Variants in LLGL1 observed in about 807,000 individuals in gnomAD.
LLGL1 encodes the protein lethal(2) giant larvae protein homolog 1.
Under a neutral mutation model 110.6 loss-of-function variants are expected in LLGL1, and 58 were observed. That is an observed-to-expected ratio of 0.52 (90% CI 0.42 to 0.65). The LOEUF (loss-of-function observed/expected upper bound fraction) is 0.65. Ranked by LOEUF, LLGL1 falls within the 30% of genes least tolerant of loss-of-function variation. The pLI, the probability that LLGL1 is intolerant of heterozygous loss-of-function variation, is 0.00. For missense variants in LLGL1, 1,229 were observed against 1,462.1 expected, an observed-to-expected ratio of 0.84 and a Z score of 2.60; for synonymous variants, 674 against 607.2, an observed-to-expected ratio of 1.11 and a Z score of -1.62.
intron 1 of LLGL1, among the ~76,000 whole-genome samples, chr17:18,227,318 GGGGAGGCTGTGAGGGTGAGGT>G (rs1418876654): frequency 6.6e-6 from 1 of 152,164 alleles, no homozygotes; most frequent in Non-Finnish European, 1.5e-5. Context: ...TTTCTGTGCC[GGGGAGGCTGTGAGGGTGAGGT>G]GAGAGGAGAA....
At chr17:18,241,860 A>C in intron 18 of LLGL1, 25 bp from the exon 19 acceptor site, 1 of 1,603,956 alleles carries the variant, frequency 6.2e-7, no homozygotes, top group Non-Finnish European at 8.5e-7. Context: ...TTCTAACTGC[A>C]CTCCTCATTC....
chr17:18,237,465 C>T lies in LLGL1; in HGVS notation c.1612-16C>T. On this transcript the variant is annotated splice_polypyrimidine_tract_variant and intron_variant, in intron 13 of 22. Coordinates refer to ENST00000316843, the MANE Select transcript of LLGL1 (RefSeq NM_004140.4). ...TCCCCTGCGCTGATGCTCCCCCTGC[C>T]TGGCTGTGGGCTCAGGTGCTGGTAC... 1 of 1,560,340 alleles carries T rather than the reference C, an allele frequency of 6.4e-7. No individual in the cohort carries two copies. Among genetic ancestry groups the T allele is most frequent in the Non-Finnish European group, 8.7e-7 (1 of 1,149,362 alleles).
At position 18,235,099 on chromosome 17, in the gene LLGL1, C is replaced by T; in HGVS notation, c.1071C>T (p.Asp357=). The change falls in exon 10 of 23, where the codon GAC becomes GAT. Residue 357 remains aspartate (D), a synonymous_variant. Coordinates refer to ENST00000316843, the MANE Select transcript of LLGL1 (RefSeq NM_004140.4). ...HSTRPEDEFD[D]PQALAVLLEE... ...CCCTCCGTCCCACAGAATTTGATGACCCCCAGGCCCTGGCTGTGCTGCTGG... is the reference window on the plus strand; with the variant it reads ...CCCTCCGTCCCACAGAATTTGATGATCCCCAGGCCCTGGCTGTGCTGCTGG... 5 of 1,613,910 alleles carry T rather than the reference C, an allele frequency of 3.1e-6. No homozygotes were observed. Among genetic ancestry groups the T allele is most frequent in the South Asian group, 2.2e-5 (2 of 91,082 alleles).
intron 13 of LLGL1, chr17:18,237,144 C>T: frequency 8.3e-6 from 5 of 602,022 alleles, no homozygotes; most frequent in Non-Finnish European, 1.5e-5. Context: ...GGAGGGAACT[C>T]ATGTCAGTGC....
chr17:18,242,416 C>A, intron 20 of LLGL1, 92 bp from the exon 21 acceptor site: 1 of 1,581,410 alleles, frequency 6.3e-7, no homozygotes, highest in South Asian at 1.1e-5. Flanking sequence ...CCACCCCTCA[C>A]CATGGGCTGC....
intron 1 of LLGL1, among the ~76,000 whole-genome samples, chr17:18,228,423 G>A (rs2047498505): frequency 6.6e-6 from 1 of 152,332 alleles, no homozygotes; most frequent in South Asian, 2.1e-4. Context: ...GAGGGACAAG[G>A]ATCTGGCTGT....
Position 18,234,730 on chromosome 17 carries a change from G to A in LLGL1, c.905+27G>A. On this transcript the variant is annotated intron_variant, in intron 8 of 22. Coordinates refer to ENST00000316843, the MANE Select transcript of LLGL1 (RefSeq NM_004140.4). ...TAGGTCGAGGGAGTGGGTGTCCGAT[G>A]TGAGTTGGGTCTGGCTAGGGGGCTG... 3 of 1,614,066 alleles carry A rather than the reference G, an allele frequency of 1.9e-6. No homozygotes were observed. The South Asian group carries it at 3.3e-5, about 18-fold the overall frequency.
chr17:18,239,744 G>A lies in LLGL1; in HGVS notation c.2207-834G>A, dbSNP rs1005155055. 2.6e-4 allele frequency among the ~76,000 whole-genome samples: 40 copies of A among 151,982 alleles called. 1 individual carries two copies. The highest frequency in any genetic ancestry group is 5.8e-4 in the East Asian group (3 of 5,170). On this transcript the variant is annotated intron_variant, in intron 16 of 22. Coordinates refer to ENST00000316843, the MANE Select transcript of LLGL1 (RefSeq NM_004140.4). The stretch of plus-strand genomic sequence containing the variant: ...TGTGGCGGGTGCAGCTGGGGGTGGG[G>A]GGTTCTTTGACTTTTTGTTTTTTTT...
At position 18,234,025 on chromosome 17, in the gene LLGL1, C is replaced by A; in HGVS notation, c.564C>A (p.Asp188Glu). 6.3e-7 allele frequency: 1 copy of A among 1,594,096 alleles called. No individual in the cohort carries two copies. Among genetic ancestry groups the A allele is most frequent in the Non-Finnish European group, 8.6e-7 (1 of 1,166,892 alleles). ...PGEVLRSVPDDYRCGKALGPV... is the reference protein window; with the variant it reads ...PGEVLRSVPDEYRCGKALGPV... ...CCTTCCTCCACAGCGTGCCAGACGA[C>A]TACCGCTGTGGGAAGGCACTGGGCC... is the stretch of plus-strand genomic sequence containing the variant. Residue 188 changes from aspartate to glutamate, a missense_variant, in exon 6 of 23, where the codon GAC becomes GAA. By Grantham distance (45) the Asp-to-Glu change is conservative. Coordinates refer to ENST00000316843, the MANE Select transcript of LLGL1 (RefSeq NM_004140.4).
intron 16 of LLGL1, among the ~76,000 whole-genome samples, chr17:18,239,700 G>T (rs2047780697): frequency 6.6e-6 from 1 of 152,066 alleles, no homozygotes. Context: ...TTGTGCAGTG[G>T]ATTTTCTCAC....
chr17:18,232,851 G>T (rs2047599326), intron 4 of LLGL1, 49 bp downstream of exon 4: 2 of 1,609,424 alleles, frequency 1.2e-6, no homozygotes, highest in South Asian at 1.1e-5. Flanking sequence ...GAGGATCTGG[G>T]GGAGGCTGTG....
chr17:18,232,416 T>G (rs1018015681), intron 2 of LLGL1, 79 bp from the exon 3 acceptor site: 9 of 1,298,296 alleles, frequency 6.9e-6, no homozygotes, highest in Non-Finnish European at 8.6e-6. Flanking sequence ...ATAGTCCGGG[T>G]CAAGGAGGAG....
rs1176750195 is a variant in LLGL1 at position 18,237,385 on chromosome 17, TGG to T, written c.1612-95_1612-94del. ...GAAGACAGTCCTAGAACCACCTTGG[TGG>T]TGGCTGGGGCTGCTTCAGAGGCTCC... On this transcript the variant is annotated intron_variant, in intron 13 of 22. Coordinates refer to ENST00000316843, the MANE Select transcript of LLGL1 (RefSeq NM_004140.4). The T allele has an allele frequency of 4.8e-6, 6 of 1,239,244 alleles. No homozygotes were observed. In the Admixed American group the frequency reaches 1.7e-4, roughly 35 times the overall value. 76.8% of individuals were successfully genotyped at this position (1,239,244 alleles called of 1,614,324 possible). A position where few individuals can be genotyped will look rare whatever the true frequency, so the allele number is the denominator to read the frequency against.
chr17:18,240,544 A>T lies in LLGL1; in HGVS notation c.2207-34A>T. The T allele has an allele frequency of 6.5e-7, 1 of 1,548,384 alleles. No homozygotes were observed. ...ACCCCAGGGGAGATGCCTGGCCCAC[A>T]GGGAGCACCCTCCTACGCGCTTGTT... On this transcript the variant is annotated intron_variant, in intron 16 of 22. Transcript: ENST00000316843. The surrounding 1 kb of genome is among the most constrained non-coding windows in gnomAD (Gnocchi z 5.3).
At chr17:18,238,429 C>G in intron 15 of LLGL1, 27 bp from the exon 16 acceptor site, 1 of 1,593,250 alleles carries the variant, frequency 6.3e-7, no homozygotes, top group South Asian at 1.1e-5. Context: ...GCTAGGGAGA[C>G]AGTGTTCAGG....
chr17:18,237,597 A>C lies in LLGL1; in HGVS notation c.1728A>C (p.Pro576=). 1 of 1,610,858 alleles carries C rather than the reference A, an allele frequency of 6.2e-7. No homozygotes were observed. Among genetic ancestry groups the C allele is most frequent in the Non-Finnish European group, 8.5e-7 (1 of 1,179,670 alleles). ...GGAAGGGCCACGAGCGGCTGAGCCC[A>C]CGCACGGGGCCGCTGCCCTGGCCTG... ...FTWKGHERLS[P]RTGPLPWPAG... The change falls in exon 14 of 23, where the codon CCA becomes CCC. Residue 576 remains proline, a synonymous_variant. Transcript: ENST00000316843.
intron 1 of LLGL1, among the ~76,000 whole-genome samples, chr17:18,229,452 T>C (rs2047521395): frequency 6.6e-6 from 1 of 152,154 alleles, no homozygotes; most frequent in South Asian, 2.1e-4. Flanking sequence ...TCCCTTGACC[T>C]CTGACCTCCA....
Position 18,235,294 on chromosome 17 carries a change from G to A in LLGL1, c.1266G>A (p.Gln422=), listed in dbSNP as rs2047667482. The A allele has an allele frequency of 2.5e-6, 4 of 1,610,380 alleles. No homozygotes were observed. The highest frequency in any genetic ancestry group is 1.7e-5 in the Admixed American group (1 of 59,986). ...IVSAGEQQSP[Q]PVSSALSWPI... The stretch of plus-strand genomic sequence containing the variant: ...GCGCTGGCGAGCAGCAGAGCCCCCA[G>A]CCTGTCTCCAGTGCCTTGGTGTGTG... The change falls in exon 10 of 23, where the codon CAG becomes CAA. Residue 422 remains glutamine, a synonymous_variant. Coordinates refer to ENST00000316843, the MANE Select transcript of LLGL1 (RefSeq NM_004140.4).
At chr17:18,234,727 G>T in intron 8 of LLGL1, 24 bp downstream of exon 8, 1 of 1,614,084 alleles carries the variant, frequency 6.2e-7, no homozygotes. Flanking sequence ...GTGGGTGTCC[G>T]ATGTGAGTTG....
Sources: gnomAD v4.1 joint callset for allele counts (sites outside exome capture counted in the v4.1 genomes callset) on GRCh38, gnomAD v4.1.1 for gene constraint, Gnocchi (gnomAD v3.1) non-coding constraint, MANE v1.5 for transcripts, NCBI Gene and HGNC (gene_info 2026-07-23, HGNC 2026-07-21) for gene names.